Variants in STXBP5L observed in about 807,000 individuals in gnomAD.
STXBP5L encodes syntaxin binding protein 5L, also known as syntaxin-binding protein 5-like.
A neutral mutation model predicts 144.5 loss-of-function variants in STXBP5L; 65 were observed. The ratio of observed to expected loss-of-function variants is 0.45; its 90% confidence interval spans 0.37 to 0.55. The LOEUF (loss-of-function observed/expected upper bound fraction) is 0.55, where lower values mean the gene tolerates loss of function less well. Among genes scored for constraint, STXBP5L ranks in the 20% least tolerant of loss-of-function variants. The pLI is 0.00. For synonymous variants in STXBP5L, 505 were observed against 469.6 expected, an observed-to-expected ratio of 1.08 and a Z score of -0.97; for missense variants, 1,298 against 1,405.5, an observed-to-expected ratio of 0.92 and a Z score of 1.22.
At chr3:121,268,164 C>A (rs2050632766) in intron 18 of STXBP5L, among the ~76,000 whole-genome samples, 1 of 152,110 alleles carries the variant, frequency 6.6e-6, no homozygotes, top group African/African-American at 2.4e-5. Context: ...AACCGAAATG[C>A]CCTTCAATGA....
At chr3:120,955,932 T>G (rs11916300) in intron 3 of STXBP5L, among the ~76,000 whole-genome samples, 18,247 of 152,036 alleles carry the variant, frequency 0.12, 1,153 homozygotes, top group Non-Finnish European at 0.14. Context: ...TCAGTATAAC[T>G]CTCTGAAGAT....
At chr3:121,303,395 T>C (rs2052009457) in intron 19 of STXBP5L, among the ~76,000 whole-genome samples, 1 of 152,150 alleles carries the variant, frequency 6.6e-6, no homozygotes, top group African/African-American at 2.4e-5. Flanking sequence ...CTGGAGAGGA[T>C]GTGGAGAAAT....
chr3:120,916,387 A>G (rs1284314905), intron 2 of STXBP5L, among the ~76,000 whole-genome samples: 2 of 151,954 alleles, frequency 1.3e-5, no homozygotes, highest in Non-Finnish European at 2.9e-5. Flanking sequence ...TGCAACCTCC[A>G]TCTCCTGGGT....
chr3:121,212,596 A>C (rs939702317), intron 10 of STXBP5L, among the ~76,000 whole-genome samples: 1 of 149,166 alleles, frequency 6.7e-6, no homozygotes, highest in Non-Finnish European at 1.5e-5. Flanking sequence ...TACCAGAAGC[A>C]TGCTGTTTTC....
chr3:121,069,163 C>G (rs924553233), intron 5 of STXBP5L, among the ~76,000 whole-genome samples: 6 of 152,186 alleles, frequency 3.9e-5, no homozygotes, highest in African/African-American at 1.4e-4. Context: ...ATCCCTATCT[C>G]TCCTATTTCT....
At chr3:121,297,462 T>C (rs1219064603) in intron 19 of STXBP5L, among the ~76,000 whole-genome samples, 6 of 152,024 alleles carry the variant, frequency 3.9e-5, no homozygotes, top group African/African-American at 4.8e-5. Context: ...TAAGAATATA[T>C]AGGAAAAGAG....
intron 20 of STXBP5L, among the ~76,000 whole-genome samples, chr3:121,325,533 A>G (rs1481789281): frequency 6.6e-6 from 1 of 152,072 alleles, no homozygotes; most frequent in Admixed American, 6.6e-5. Context: ...CAGTGAGAAA[A>G]TGAAAAGTAG....
chr3:120,965,263 C>T lies in STXBP5L; in HGVS notation c.287+10226C>T, dbSNP rs137934702. On this transcript the variant is annotated intron_variant, in intron 3 of 26. Coordinates refer to ENST00000471454, the MANE Select transcript of STXBP5L (RefSeq NM_001308330.2). ...GCCAGTCTGTGTCTTTTAATTGGGG[C>T]ATTTAGCCCATTTACATTTAAGGTT... is the stretch of plus-strand genomic sequence containing the variant. Among the ~76,000 whole-genome samples, 1,201 of 152,212 alleles carry T rather than the reference C, an allele frequency of 7.9e-3. 20 individuals carry two copies. The highest frequency in any genetic ancestry group is 0.027 in the African/African-American group (1,119 of 41,514).
At chr3:121,354,882 G>C (rs2045444845) in intron 20 of STXBP5L, among the ~76,000 whole-genome samples, 1 of 152,120 alleles carries the variant, frequency 6.6e-6, no homozygotes, top group Non-Finnish European at 1.5e-5. Flanking sequence ...TGTAAGGCAG[G>C]CTTGGTGGTG....
At chr3:121,041,025 T>A (rs1407974927) in intron 3 of STXBP5L, among the ~76,000 whole-genome samples, 1 of 152,000 alleles carries the variant, frequency 6.6e-6, no homozygotes, top group African/African-American at 2.4e-5. Flanking sequence ...GTATAGAATA[T>A]GTAAGTAAAT....
intron 5 of STXBP5L, among the ~76,000 whole-genome samples, chr3:121,080,294 T>C (rs2042196349): frequency 6.6e-6 from 1 of 152,196 alleles, no homozygotes; most frequent in African/African-American, 2.4e-5. Context: ...TCTGTATCTT[T>C]TAAGTGGAGT....
chr3:121,233,662 C>A lies in STXBP5L; in HGVS notation c.1158C>A (p.Leu386=). Residue 386 remains leucine (L), a synonymous_variant, in exon 12 of 27, where the codon CTC becomes CTA. Coordinates refer to ENST00000471454, the MANE Select transcript of STXBP5L (RefSeq NM_001308330.2). ...TCGTGGTACTTCTGGAGAAAGATCT[C>A]ATTGTAGTTGATCTGACACAAAGCA... ...YAVVVLLEKD[L]IVVDLTQSNF... 6.2e-7 allele frequency: 1 copy of A among 1,612,452 alleles called. No individual in the cohort carries two copies. Among genetic ancestry groups the A allele is most frequent in the Non-Finnish European group, 8.5e-7 (1 of 1,179,122 alleles).
intron 13 of STXBP5L, 126 bp downstream of exon 13, chr3:121,239,244 C>T (rs2049586609): frequency 3.9e-6 from 2 of 511,294 alleles, no homozygotes; most frequent in Non-Finnish European, 6.6e-6. Flanking sequence ...AGTTATAAGC[C>T]AACATCTATT....
intron 2 of STXBP5L, among the ~76,000 whole-genome samples, chr3:120,935,369 G>C (rs1576444895): frequency 6.6e-6 from 1 of 150,454 alleles, no homozygotes; most frequent in African/African-American, 2.4e-5. Flanking sequence ...GTACATTGTT[G>C]CTATTACTAT....
At chr3:121,297,391 G>C (rs557368589) in intron 19 of STXBP5L, among the ~76,000 whole-genome samples, 1 of 152,108 alleles carries the variant, frequency 6.6e-6, no homozygotes, top group South Asian at 2.1e-4. Flanking sequence ...AAAGTCAGTC[G>C]AAGCAGATCC....
At chr3:121,206,135 G>C (rs970388047) in intron 10 of STXBP5L, 134 bp downstream of exon 10, 7 of 458,236 alleles carry the variant, frequency 1.5e-5, no homozygotes, top group Admixed American at 8.1e-5. Context: ...TAACATAATT[G>C]ACTTGTCTCA....
chr3:121,136,050 C>T (rs947317849), intron 7 of STXBP5L, among the ~76,000 whole-genome samples: 1 of 152,194 alleles, frequency 6.6e-6, no homozygotes, highest in African/African-American at 2.4e-5. Context: ...GAAGAAACCT[C>T]AGTGGCAGGC....
At chr3:120,982,848 T>A (rs1385339848) in intron 3 of STXBP5L, among the ~76,000 whole-genome samples, 1 of 152,086 alleles carries the variant, frequency 6.6e-6, no homozygotes, top group South Asian at 2.1e-4. Context: ...AGATGGCCCC[T>A]TGGATGGTAT....
At chr3:121,014,110 T>TGGCTA (rs1307148379) in intron 3 of STXBP5L, among the ~76,000 whole-genome samples, 1 of 152,116 alleles carries the variant, frequency 6.6e-6, no homozygotes, top group Non-Finnish European at 1.5e-5. Flanking sequence ...AGAATTATAT[T>TGGCTA]GGCTATTCAG....
Sources: gnomAD v4.1 joint callset for allele counts (sites outside exome capture counted in the v4.1 genomes callset) on GRCh38, gnomAD v4.1.1 for gene constraint, MANE v1.5 for transcripts, NCBI Gene and HGNC (gene_info 2026-07-23, HGNC 2026-07-21) for gene names.